The following TRAF1 variants were observed in gnomAD, a reference collection of about 807,000 sequenced individuals.
The protein encoded by TRAF1 is TNF receptor-associated factor 1.
TRAF1 carries 23 observed loss-of-function variants against 40.9 expected under a neutral mutation model. The observed-to-expected ratio is 0.56, with a 90% CI of 0.40 to 0.80. TRAF1 has a LOEUF of 0.80. Ranked by LOEUF, TRAF1 falls within the 30% of genes least tolerant of loss-of-function variation. TRAF1 has a pLI of 0.00. For synonymous variants in TRAF1, 206 were observed against 218.8 expected, an observed-to-expected ratio of 0.94 and a Z score of 0.52; for missense variants, 477 against 528.7, an observed-to-expected ratio of 0.90 and a Z score of 0.96.
chr9:120,909,381 G>A lies in TRAF1; in HGVS notation c.884-3C>T. On this transcript the variant is annotated splice_polypyrimidine_tract_variant and splice_region_variant and intron_variant, in intron 6 of 7. Transcript: ENST00000373887. ...GCCATACTTGGCAGTGTAGAAGGCT[G>A]AAACGCAGAAGCCAGAGGCAGTTGG... The A allele has an allele frequency of 2.5e-6, 4 of 1,613,256 alleles. No individual in the cohort carries two copies. Among genetic ancestry groups the A allele is most frequent in the Non-Finnish European group, 3.4e-6 (4 of 1,179,952 alleles).
At chr9:120,912,439 G>A (rs1348546381) in intron 5 of TRAF1, among the ~76,000 whole-genome samples, 3 of 152,072 alleles carry the variant, frequency 2.0e-5, no homozygotes, top group African/African-American at 4.8e-5. Context: ...GGTGGATCAC[G>A]AGGTCAGGAG....
rs1177074684 is a variant in TRAF1, at chr9:120,915,821, A to G, written c.229-1521T>C. On this transcript the variant is annotated intron_variant, in intron 3 of 7. Transcript: ENST00000373887. ...TGTACTCCAGCCTGGGTAGCAGAGA[A>G]AGACCTTGTCTCTCTTAAAAAAAAT... 2.6e-5 allele frequency among the ~76,000 whole-genome samples: 4 copies of G among 152,280 alleles called. No homozygotes were observed. In the East Asian group the frequency reaches 7.7e-4, roughly 29 times the overall value.
chr9:120,921,885 G>C (rs2046608111), intron 3 of TRAF1, among the ~76,000 whole-genome samples: 1 of 152,194 alleles, frequency 6.6e-6, no homozygotes, highest in African/African-American at 2.4e-5. Flanking sequence ...TCCAGCGGTA[G>C]GGGGATAGCT....
Position 120,911,528 on chromosome 9 carries a change from G to T in TRAF1, c.706-15C>A. ...AGCTCCACCACCTGTAGGGAAGACT[G>T]TTCAGCCAGGAACACCAGAACCCGG... On this transcript the variant is annotated splice_polypyrimidine_tract_variant and intron_variant, in intron 5 of 7. Coordinates refer to ENST00000373887, the MANE Select transcript of TRAF1 (RefSeq NM_005658.5). The T allele has an allele frequency of 6.2e-7, 1 of 1,601,600 alleles. No homozygotes were observed. Among genetic ancestry groups the T allele is most frequent in the South Asian group, 1.1e-5 (1 of 90,852 alleles).
intron 3 of TRAF1, 108 bp from the exon 4 acceptor site, chr9:120,914,408 A>G: frequency 7.8e-7 from 1 of 1,276,852 alleles, no homozygotes; most frequent in Non-Finnish European, 1.0e-6. Context: ...CTTGGGCCAC[A>G]TGACTTTGCA....
chr9:120,923,976 T>C (rs1165262386), intron 2 of TRAF1, among the ~76,000 whole-genome samples, 184 bp from the exon 3 acceptor site: 1 of 152,200 alleles, frequency 6.6e-6, no homozygotes, highest in African/African-American at 2.4e-5. Context: ...TAGTTTGCAG[T>C]GAGCTTCCTG....
chr9:120,914,308 TA>T lies in TRAF1; in HGVS notation c.229-9del, dbSNP rs1202295260. The T allele has an allele frequency of 2.7e-6, 4 of 1,503,786 alleles. No individual in the cohort carries two copies. The highest frequency in any genetic ancestry group is 2.7e-6 in the Non-Finnish European group (3 of 1,114,418). 93.2% of individuals were successfully genotyped at this position (1,503,786 alleles called of 1,614,324 possible). On this transcript the variant is annotated splice_polypyrimidine_tract_variant and intron_variant, in intron 3 of 7. Transcript: ENST00000373887. ...AGCCACCTCGGGGTGAGCCTGGAAA[TA>T]ATAATCACATCACTGAATGTTATAG...
intron 3 of TRAF1, among the ~76,000 whole-genome samples, chr9:120,919,092 C>T (rs1041017563): frequency 6.6e-6 from 1 of 152,102 alleles, no homozygotes; most frequent in African/African-American, 2.4e-5. Context: ...GGCCAGGGAC[C>T]GAGGGGACAG....
At position 120,903,573 on chromosome 9, in the gene TRAF1, G is replaced by A. The variant is rs2046456187; in HGVS notation, c.*1447C>T. 1 of 152,680 alleles carries A rather than the reference G, an allele frequency of 6.5e-6. No homozygotes were observed. The highest frequency in any genetic ancestry group is 1.9e-4 in the East Asian group (1 of 5,222). The allele number at this position is 152,680 out of a possible 1,614,324, so 9.5% of individuals were successfully genotyped here. A position where few individuals can be genotyped will look rare whatever the true frequency, so the allele number is the denominator to read the frequency against. ...GGCACAGGCTCAGCAGGTGGAGGAA[G>A]AGTAAGCTGTCAGGAAAGCAGCAGG... is the stretch of plus-strand genomic sequence containing the variant. On this transcript the variant is annotated 3_prime_UTR_variant, in exon 8 of 8. Coordinates refer to ENST00000373887, the MANE Select transcript of TRAF1 (RefSeq NM_005658.5).
chr9:120,918,724 G>A (rs2046585405), intron 3 of TRAF1, among the ~76,000 whole-genome samples: 1 of 152,222 alleles, frequency 6.6e-6, no homozygotes, highest in Non-Finnish European at 1.5e-5. Context: ...GGCTGTATTA[G>A]AGTCACCTTA....
At position 120,903,095 on chromosome 9, in the gene TRAF1, G is replaced by A. The variant is rs929028946; in HGVS notation, c.*1925C>T. On this transcript the variant is annotated 3_prime_UTR_variant, in exon 8 of 8. Transcript: ENST00000373887. ...GCTAGGACATCAGTTTCAGGGCCTA[G>A]ACCCATCACTCGCTAGGCCAGACCT... 2.6e-5 allele frequency: 4 copies of A among 152,336 alleles called. No homozygotes were observed. In the East Asian group the frequency reaches 7.7e-4, roughly 29 times the overall value. 9.4% of individuals were successfully genotyped at this position (152,336 alleles called of 1,614,324 possible).
In TRAF1 at chr9:120,914,297, G is replaced by A. The variant is rs772934850; in HGVS notation, c.232C>T (p.His78Tyr). 2.0e-6 allele frequency: 3 copies of A among 1,517,946 alleles called. No homozygotes were observed. The highest frequency in any genetic ancestry group is 1.4e-5 in the African/African-American group (1 of 72,272). 94.0% of individuals were successfully genotyped at this position (1,517,946 alleles called of 1,614,324 possible). The change falls in exon 4 of 8, where the codon CAC becomes TAC. Residue 78 changes from histidine to tyrosine, a missense_variant. Coordinates refer to ENST00000373887, the MANE Select transcript of TRAF1 (RefSeq NM_005658.5). ...ATTCCAGCCTCAGCCACCTCGGGGT[G>A]AGCCTGGAAATAATAATCACATCAC... ...GSRLRTQEKA[H>Y]PEVAEAGIGC...
chr9:120,926,027 C>CATTCTCATCAGGGGCCGGGCGAGGCA lies in TRAF1; in HGVS notation c.48_49insTGCCTCGCCCGGCCCCTGATGAGAAT (p.Glu17CysfsTer58). 1 of 1,612,264 alleles carries CATTCTCATCAGGGGCCGGGCGAGGCA rather than the reference C, an allele frequency of 6.2e-7. No homozygotes were observed. The highest frequency in any genetic ancestry group is 8.5e-7 in the Non-Finnish European group (1 of 1,179,082). On this transcript the variant is annotated frameshift_variant, in exon 2 of 8. Coordinates refer to ENST00000373887, the MANE Select transcript of TRAF1 (RefSeq NM_005658.5). LOFTEE classifies it high-confidence loss of function. ...GTGGGAGGGCACCCAAAGGGAAACT[C>CATTCTCATCAGGGGCCGGGCGAGGCA]ATTCTCATCAGGGGCCGGGCGAGGA...
At chr9:120,918,684 A>G (rs975184729) in intron 3 of TRAF1, among the ~76,000 whole-genome samples, 2 of 152,200 alleles carry the variant, frequency 1.3e-5, no homozygotes, top group African/African-American at 4.8e-5. Flanking sequence ...GTCCCATAGG[A>G]TCCCTGTGAC....
At chr9:120,929,093 C>A (rs1325098045), upstream of TRAF1, 1 of 152,452 alleles carries the variant, frequency 6.6e-6, no homozygotes, top group East Asian at 1.9e-4. The surrounding 1 kb of genome is among the most constrained non-coding windows in gnomAD (Gnocchi z 4.5). Flanking sequence ...GGTCCCGGGG[C>A]AGGGGTGTAG....
At chr9:120,924,531 T>C (rs770812778) in intron 2 of TRAF1, among the ~76,000 whole-genome samples, 5 of 152,074 alleles carry the variant, frequency 3.3e-5, no homozygotes, top group Non-Finnish European at 7.4e-5. Flanking sequence ...TCTCATGCCT[T>C]AGCCTCCCAA....
chr9:120,912,201 C>T (rs192706070), intron 5 of TRAF1, among the ~76,000 whole-genome samples: 81 of 152,256 alleles, frequency 5.3e-4, no homozygotes, highest in African/African-American at 1.8e-3. Flanking sequence ...CAGACCCACA[C>T]GGCAGGTGGC....
At chr9:120,913,790 G>A in intron 4 of TRAF1, 52 bp from the exon 5 acceptor site, 3 of 1,505,736 alleles carry the variant, frequency 2.0e-6, no homozygotes, top group South Asian at 2.7e-5. Context: ...GTGAGGACAG[G>A]GGAGCAGTGG....
upstream of TRAF1, chr9:120,928,084 C>T (rs1187154998): frequency 6.6e-6 from 1 of 152,208 alleles, no homozygotes; most frequent in Non-Finnish European, 1.5e-5. Flanking sequence ...ATTTTACAGA[C>T]ATCATCTCAT....
Sources: gnomAD v4.1 joint callset for allele counts (sites outside exome capture counted in the v4.1 genomes callset) on GRCh38, gnomAD v4.1.1 for gene constraint, Gnocchi (gnomAD v3.1) non-coding constraint, MANE v1.5 for transcripts, NCBI Gene and HGNC (gene_info 2026-07-23, HGNC 2026-07-21) for gene names.